NFIC: variants seen among roughly 807,000 people sequenced by gnomAD.
NFIC encodes the protein nuclear factor I C, also known as nuclear factor 1 C-type.
NFIC carries 12 observed loss-of-function variants against 54.4 expected under a neutral mutation model. The ratio of observed to expected loss-of-function variants is 0.22; its 90% confidence interval spans 0.14 to 0.36. The LOEUF (loss-of-function observed/expected upper bound fraction) is 0.36. NFIC is among the 10% of genes least tolerant of loss of function. NFIC has a pLI of 1.00. For missense variants in NFIC, 575 were observed against 718.2 expected (o/e 0.80, Z 2.28); for synonymous variants, 322 against 319.2 (o/e 1.01, Z -0.09).
rs1319245638 is a variant in NFIC at position 3,453,941 on chromosome 19, T to C, written c.1423+25T>C. Reference sequence around the variant, plus strand: ...TGTAAGCACGCGGGAAGCGGTGCCCTGGTGGGGCGGATGTCCGCAGGGGGG... The same window carrying C: ...TGTAAGCACGCGGGAAGCGGTGCCCCGGTGGGGCGGATGTCCGCAGGGGGG... On this transcript the variant is annotated intron_variant, in intron 9 of 10. Transcript: ENST00000443272. The surrounding 1 kb of genome is among the most constrained non-coding windows in gnomAD (Gnocchi z 6.7). 2.0e-6 allele frequency: 3 copies of C among 1,503,680 alleles called. No individual in the cohort carries two copies. The highest frequency in any genetic ancestry group is 2.7e-6 in the Non-Finnish European group (3 of 1,129,234). 93.1% of individuals were successfully genotyped at this position (1,503,680 alleles called of 1,614,324 possible).
intron 2 of NFIC, among the ~76,000 whole-genome samples, chr19:3,418,099 C>CTTT (rs778206013): frequency 7.5e-6 from 1 of 132,484 alleles, no homozygotes; most frequent in Non-Finnish European, 1.6e-5. Flanking sequence ...ATTTTCTTTT[C>CTTT]TTTTTTTTTT....
chr19:3,443,448 A>C (rs2082323751), intron 6 of NFIC, among the ~76,000 whole-genome samples: 1 of 151,796 alleles, frequency 6.6e-6, no homozygotes, highest in South Asian at 2.1e-4. Flanking sequence ...AAAAGAAAAA[A>C]GTCTGCCCCC....
At chr19:3,441,767 C>T (rs963395508) in intron 6 of NFIC, among the ~76,000 whole-genome samples, 12 of 152,204 alleles carry the variant, frequency 7.9e-5, no homozygotes, top group Non-Finnish European at 1.5e-4. Context: ...TGTCCCAAGC[C>T]GGGTGCCTCC....
Position 3,465,401 on chromosome 19 carries a change from AT to A in NFIC, c.*2633del, listed in dbSNP as rs1191294446. 2.9e-4 allele frequency: 43 copies of A among 148,008 alleles called. No homozygotes were observed. The highest frequency in any genetic ancestry group is 6.6e-4 in the African/African-American group (26 of 39,152). The allele number at this position is 148,008 out of a possible 1,614,324, so 9.2% of individuals were successfully genotyped here. ...GGATGTATTTCTATTTGTAAAAAAA[AT>A]AAAATAAAAAATAAGAAAGTGAGAA... On this transcript the variant is annotated 3_prime_UTR_variant, in exon 11 of 11. Transcript: ENST00000443272.
chr19:3,401,118 G>A (rs939455056), intron 2 of NFIC, among the ~76,000 whole-genome samples: 2 of 152,228 alleles, frequency 1.3e-5, no homozygotes, highest in African/African-American at 4.8e-5. Flanking sequence ...GAACAGTGAG[G>A]AGGCCTGTGT....
Position 3,382,240 on chromosome 19 carries a change from C to CGAGGTG in NFIC, c.560_562+3dup. On this transcript the variant is annotated inframe_insertion, in exon 2 of 11. Transcript: ENST00000443272. ...CTACCTGGCCTACTTCGTGCGTGAG[C>CGAGGTG]GAGGTGAGGTGTGGTGGCCTGAGCG... is the stretch of plus-strand genomic sequence containing the variant. The CGAGGTG allele has an allele frequency of 6.3e-7, 1 of 1,599,752 alleles. No individual in the cohort carries two copies. Among genetic ancestry groups the CGAGGTG allele is most frequent in the Non-Finnish European group, 8.5e-7 (1 of 1,178,308 alleles).
chr19:3,362,165 C>G (rs983155414), upstream of NFIC, among the ~76,000 whole-genome samples: 1 of 152,048 alleles, frequency 6.6e-6, no homozygotes, highest in South Asian at 2.1e-4. Flanking sequence ...TGTGATGGTG[C>G]GTATGTGACT....
chr19:3,383,664 G>A (rs559182843), intron 2 of NFIC, among the ~76,000 whole-genome samples: 12 of 152,312 alleles, frequency 7.9e-5, no homozygotes, highest in South Asian at 2.1e-4. Context: ...CATCCAGGCC[G>A]TGTCTGGAGC....
At chr19:3,365,581 C>T (rs1377435838), upstream of NFIC, among the ~76,000 whole-genome samples, 1 of 152,168 alleles carries the variant, frequency 6.6e-6, no homozygotes, top group Non-Finnish European at 1.5e-5. Flanking sequence ...AGAATGTGGG[C>T]TCCAGGTCCA....
intron 5 of NFIC, 116 bp from the exon 6 acceptor site, chr19:3,434,967 G>T: frequency 7.4e-7 from 1 of 1,348,526 alleles, no homozygotes; most frequent in Non-Finnish European, 9.9e-7. Context: ...GATGTCTCGC[G>T]ATACTACCTC....
intron 2 of NFIC, among the ~76,000 whole-genome samples, chr19:3,410,231 G>A (rs939776716): frequency 1.3e-5 from 2 of 152,042 alleles, no homozygotes; most frequent in Admixed American, 6.6e-5. Context: ...TAATAGAGAC[G>A]GGGTTTTACC....
intron 3 of NFIC, among the ~76,000 whole-genome samples, chr19:3,429,293 C>CACACACA (rs1244819392): frequency 7.5e-6 from 1 of 133,634 alleles, no homozygotes. Context: ...CACACACACA[C>CACACACA]ACTAGCCAAA....
In NFIC at chr19:3,434,342, G is replaced by A. The variant is rs1292106227; in HGVS notation, c.775G>A (p.Asp259Asn). The change falls in exon 5 of 11, where the codon GAC (aspartate) becomes AAC (asparagine). Residue 259 changes from aspartate (D) to asparagine (N), a missense_variant. Physicochemically the swap from Asp to Asn is conservative, Grantham distance 23. Transcript: ENST00000443272. ...GGAGCTGCAGGGGCACCTGGCATAC[G>A]ACCTGAACCCAGCCAGCACTGGCCT... Reference protein sequence around the residue: ...LGELQGHLAYDLNPASTGLRR... With the variant: ...LGELQGHLAYNLNPASTGLRR... The A allele has an allele frequency of 6.2e-7, 1 of 1,613,400 alleles. No homozygotes were observed. Among genetic ancestry groups the A allele is most frequent in the Non-Finnish European group, 8.5e-7 (1 of 1,179,866 alleles).
chr19:3,416,643 G>C (rs1237309960), intron 2 of NFIC, among the ~76,000 whole-genome samples: 1 of 150,564 alleles, frequency 6.6e-6, no homozygotes, highest in East Asian at 2.0e-4. Flanking sequence ...TCCTGCGTCA[G>C]CCTCCTGAGT....
rs1372185438 is a variant in NFIC at position 3,386,939 on chromosome 19, G to T, written c.562+4696G>T. On this transcript the variant is annotated intron_variant, in intron 2 of 10. Coordinates refer to ENST00000443272, the MANE Select transcript of NFIC (RefSeq NM_001245002.2). ...CCAGGCCTCAGCGCTGATCCCAGTGGTTGTCACCCTGACAGCAGGAAGACT... is the reference window on the plus strand; with the variant it reads ...CCAGGCCTCAGCGCTGATCCCAGTGTTTGTCACCCTGACAGCAGGAAGACT... 2.6e-5 allele frequency among the ~76,000 whole-genome samples: 4 copies of T among 152,242 alleles called. No individual in the cohort carries two copies. In the East Asian group the frequency reaches 7.7e-4, roughly 29 times the overall value.
upstream of NFIC, among the ~76,000 whole-genome samples, chr19:3,363,277 T>A (rs113846411): frequency 0.015 from 1,182 of 78,322 alleles, 2 homozygotes; most frequent in Non-Finnish European, 0.026. Flanking sequence ...ATATTTTTTT[T>A]TTTTTTTTTT....
At chr19:3,454,239 C>A in intron 9 of NFIC, 1 of 1,176,236 alleles carries the variant, frequency 8.5e-7, no homozygotes, top group Non-Finnish European at 1.1e-6. Context: ...ACAGTGGACA[C>A]GGATCTCACA....
chr19:3,395,301 G>T (rs1356766716), intron 2 of NFIC, among the ~76,000 whole-genome samples: 7 of 151,968 alleles, frequency 4.6e-5, no homozygotes, highest in Non-Finnish European at 8.8e-5. Flanking sequence ...AGAGGCTGCA[G>T]TCAGCAGAGA....
chr19:3,425,394 G>A (rs1253095304), intron 3 of NFIC, among the ~76,000 whole-genome samples: 2 of 152,240 alleles, frequency 1.3e-5, no homozygotes, highest in African/African-American at 2.4e-5. Flanking sequence ...CACCCCATGG[G>A]AGACCCCAGA....
Sources: allele counts gnomAD v4.1 joint callset (sites outside exome capture counted in the v4.1 genomes callset), GRCh38; gene constraint gnomAD v4.1.1; non-coding constraint Gnocchi (gnomAD v3.1); transcripts MANE v1.5; gene names NCBI Gene and HGNC (gene_info 2026-07-23, HGNC 2026-07-21).